Variants in GRID2IP observed in about 807,000 individuals in gnomAD.
The protein encoded by GRID2IP is delphilin.
In GRID2IP, 78 loss-of-function variants were observed where a neutral mutation model predicts 114.3. The observed-to-expected ratio is 0.68, with a 90% confidence interval of 0.57 to 0.82. GRID2IP has a LOEUF of 0.82. Ranked by LOEUF, GRID2IP falls within the 40% of genes least tolerant of loss-of-function variation. The probability of loss-of-function intolerance (pLI) is 0.00; values close to 1 mark genes in which losing one functional copy is unlikely to be tolerated. For missense variants in GRID2IP, 1,727 were observed against 1,678.5 expected, an observed-to-expected ratio of 1.03 and a Z score of -0.51; for synonymous variants, 809 against 724.0, an observed-to-expected ratio of 1.12 and a Z score of -1.89.
chr7:6,500,435 G>T (rs927223858), intron 20 of GRID2IP, among the ~76,000 whole-genome samples: 5 of 152,328 alleles, frequency 3.3e-5, no homozygotes, highest in African/African-American at 1.2e-4. Flanking sequence ...TTGCACTCCA[G>T]CCTGGGCAAC....
In GRID2IP at chr7:6,521,557, T is replaced by C. The variant is rs1779412137; in HGVS notation, c.990-34A>G. On this transcript the variant is annotated intron_variant, in intron 5 of 21. Transcript: ENST00000457091. This position sits in a 1 kb window ranked among gnomAD's most constrained non-coding sequence, Gnocchi z 4.1. ...CAGAGATGGCCCAGGAGGGCCTGACTGGGGTGAGCCCTGTCCACGGCCACC... is the reference window on the plus strand; with the variant it reads ...CAGAGATGGCCCAGGAGGGCCTGACCGGGGTGAGCCCTGTCCACGGCCACC... 4.7e-6 allele frequency: 7 copies of C among 1,476,634 alleles called. No homozygotes were observed. The highest frequency in any genetic ancestry group is 4.6e-6 in the Non-Finnish European group (5 of 1,090,790). 91.5% of individuals were successfully genotyped at this position (1,476,634 alleles called of 1,614,324 possible). A position where few individuals can be genotyped will look rare whatever the true frequency, so the allele number is the denominator to read the frequency against.
rs1168111342 is a variant in GRID2IP at position 6,551,040 on chromosome 7, G to A, written c.397C>T (p.Arg133Cys). ...RKRPDAVHRE[R>C]RRKAQEFSRK... ...CTGAACTCTTGGGCCTTGCGCCTGC[G>A]CTCTCGGTGCACCGCGTCCGGGCGC... The change falls in exon 1 of 22, where the codon CGC becomes TGC. Residue 133 changes from arginine (R) to cysteine (C), a missense_variant. Transcript: ENST00000457091. 2 of 1,292,504 alleles carry A rather than the reference G, an allele frequency of 1.5e-6. No individual in the cohort carries two copies. The highest frequency in any genetic ancestry group is 1.6e-5 in the African/African-American group (1 of 64,226). 80.1% of individuals were successfully genotyped at this position (1,292,504 alleles called of 1,614,324 possible).
Position 6,517,061 on chromosome 7 carries a change from T to C in GRID2IP, c.1269-2532A>G, listed in dbSNP as rs1779320184. On this transcript the variant is annotated intron_variant, in intron 7 of 21. Transcript: ENST00000457091. ...TCTCTTTGTCTTGTGTCTTTCTTTC[T>C]TTTTTTTTTTTTTGAGACAGTCTGG... is the stretch of plus-strand genomic sequence containing the variant. Among the ~76,000 whole-genome samples the C allele has an allele frequency of 2.2e-5, 3 of 134,200 alleles. No individual in the cohort carries two copies. The Admixed American group carries it at 2.3e-4, about 10-fold the overall frequency. The allele number at this position is 134,200 out of a possible 152,430, so 88.0% of individuals were successfully genotyped here. A position where few individuals can be genotyped will look rare whatever the true frequency, so the allele number is the denominator to read the frequency against.
rs957715164 is a variant in GRID2IP at position 6,519,841 on chromosome 7, A to G, written c.1268+737T>C. Among the ~76,000 whole-genome samples the G allele has an allele frequency of 2.0e-5, 3 of 152,226 alleles. No homozygotes were observed. Among genetic ancestry groups the G allele is most frequent in the African/African-American group, 7.2e-5 (3 of 41,462 alleles). On this transcript the variant is annotated intron_variant, in intron 7 of 21. Coordinates refer to ENST00000457091, the MANE Select transcript of GRID2IP (RefSeq NM_001145118.2). This position sits in a 1 kb window ranked among gnomAD's most constrained non-coding sequence, Gnocchi z 4.1. ...GACAGGCTTTGCAGAGACCATAATA[A>G]TGACCCCATGGACCGAGGAGTGTGA...
chr7:6,526,293 T>G lies in GRID2IP; in HGVS notation c.850A>C (p.Lys284Gln), dbSNP rs1469114353. The change falls in exon 4 of 22, where the codon AAA (lysine) becomes CAA (glutamine). Residue 284 changes from lysine (K) to glutamine (Q), a missense_variant. Transcript: ENST00000457091. This position sits in a 1 kb window ranked among gnomAD's most constrained non-coding sequence, Gnocchi z 7.6. The stretch of plus-strand genomic sequence containing the variant: ...GTGAAGCCGAAGCTCTTGTTGCCTT[T>G]GTAGACTCGGACAGTCCTGGGGGAA... The part of the protein sequence containing the change: ...GGARRTVRVY[K>Q]GNKSFGFTLR... The G allele has an allele frequency of 6.4e-7, 1 of 1,551,958 alleles. No individual in the cohort carries two copies. Among genetic ancestry groups the G allele is most frequent in the Non-Finnish European group, 8.7e-7 (1 of 1,147,010 alleles).
chr7:6,548,765 C>T (rs1384607476), intron 1 of GRID2IP, among the ~76,000 whole-genome samples: 1 of 151,672 alleles, frequency 6.6e-6, no homozygotes, highest in African/African-American at 2.4e-5. Flanking sequence ...TCACTTGAAC[C>T]CAGGAGGTGG....
chr7:6,515,217 T>C (rs925135049), intron 7 of GRID2IP, among the ~76,000 whole-genome samples: 1 of 152,142 alleles, frequency 6.6e-6, no homozygotes, highest in African/African-American at 2.4e-5. Context: ...ATCCCAGCAC[T>C]GTGGGAGGCC....
At chr7:6,505,772 C>T in intron 14 of GRID2IP, 48 bp downstream of exon 14, 1 of 1,253,146 alleles carries the variant, frequency 8.0e-7, no homozygotes, top group East Asian at 2.5e-5. Context: ...GGGGCTGCCA[C>T]AGATGGTGTG....
In GRID2IP at chr7:6,540,109, CTCCCT is replaced by C. The variant is rs1187955425; in HGVS notation, c.430-242_430-238del. The stretch of plus-strand genomic sequence containing the variant: ...TTCCCCTCCCCTCCCCTCCCCTCCC[CTCCCT>C]TCCCTTCCTTTCTTTTTGAGACGGA... On this transcript the variant is annotated intron_variant, in intron 1 of 21. Transcript: ENST00000457091. 2.7e-5 allele frequency among the ~76,000 whole-genome samples: 4 copies of C among 149,248 alleles called. No homozygotes were observed. The East Asian group carries it at 5.9e-4, about 22-fold the overall frequency.
At chr7:6,529,817 C>T (rs1039420395) in intron 2 of GRID2IP, among the ~76,000 whole-genome samples, 1 of 152,168 alleles carries the variant, frequency 6.6e-6, no homozygotes, top group Admixed American at 6.5e-5. Flanking sequence ...CAGGACTCTT[C>T]CTGGGGGCCA....
intron 1 of GRID2IP, 33 bp from the exon 2 acceptor site, chr7:6,539,905 G>T (rs1346397625): frequency 6.5e-7 from 1 of 1,539,238 alleles, no homozygotes; most frequent in Admixed American, 2.0e-5. Flanking sequence ...TGACCAAAAG[G>T]GATCCAGAGT....
rs974707825 is a variant in GRID2IP, at chr7:6,509,310, G to A, written c.1775C>T (p.Pro592Leu). The part of the protein sequence containing the change: ...PGPSPAVTTG[P>L]RTLSGVSWPS... ...CCATGAGACGCCGGACAGGGTCCTG[G>A]GCCCTGGAGGAGGGATGGAGTATGA... The change falls in exon 12 of 22, where the codon CCC becomes CTC. Residue 592 changes from proline (P) to leucine (L), a missense_variant. Coordinates refer to ENST00000457091, the MANE Select transcript of GRID2IP (RefSeq NM_001145118.2). This position sits in a 1 kb window ranked among gnomAD's most constrained non-coding sequence, Gnocchi z 4.9. 1.4e-5 allele frequency: 21 copies of A among 1,499,792 alleles called. No individual in the cohort carries two copies. Among genetic ancestry groups the A allele is most frequent in the Non-Finnish European group, 1.8e-5 (20 of 1,124,250 alleles). 92.9% of individuals were successfully genotyped at this position (1,499,792 alleles called of 1,614,324 possible).
chr7:6,509,279 G>A lies in GRID2IP; in HGVS notation c.1806C>T (p.Ser602=), dbSNP rs908734043. The change falls in exon 12 of 22, where the codon AGC becomes AGT. Residue 602 remains serine (S), a synonymous_variant. Coordinates refer to ENST00000457091, the MANE Select transcript of GRID2IP (RefSeq NM_001145118.2). This position sits in a 1 kb window ranked among gnomAD's most constrained non-coding sequence, Gnocchi z 4.9. ...AGCAGGGGGAGGGCAAGAGTCGCTC[G>A]CTGGGCCATGAGACGCCGGACAGGG... ...PRTLSGVSWP[S]ERLLPSPCYH... 3.2e-5 allele frequency: 49 copies of A among 1,527,006 alleles called. No homozygotes were observed. Among genetic ancestry groups the A allele is most frequent in the African/African-American group, 4.1e-5 (3 of 72,506 alleles). 94.6% of individuals were successfully genotyped at this position (1,527,006 alleles called of 1,614,324 possible).
intron 14 of GRID2IP, among the ~76,000 whole-genome samples, chr7:6,505,210 T>C (rs1786542370): frequency 6.6e-6 from 1 of 152,148 alleles, no homozygotes; most frequent in Non-Finnish European, 1.5e-5. Flanking sequence ...ATGCCTCCTG[T>C]CTACGGTGTG....
chr7:6,515,863 C>T (rs1779285997), intron 7 of GRID2IP, among the ~76,000 whole-genome samples: 1 of 152,002 alleles, frequency 6.6e-6, no homozygotes, highest in Non-Finnish European at 1.5e-5. Flanking sequence ...CTTTGGGAGG[C>T]TGAGGTGGGT....
Position 6,508,119 on chromosome 7 carries a change from G to C in GRID2IP, c.2410C>G (p.Pro804Ala), listed in dbSNP as rs909839378. 2.1e-6 allele frequency: 3 copies of C among 1,451,578 alleles called. No homozygotes were observed. Among genetic ancestry groups the C allele is most frequent in the Admixed American group, 4.1e-5 (2 of 49,054 alleles). The allele number at this position is 1,451,578 out of a possible 1,614,324, so 89.9% of individuals were successfully genotyped here. The change falls in exon 13 of 22, where the codon CCC (proline) becomes GCC (alanine). Residue 804 changes from proline (P) to alanine (A), a missense_variant. Physicochemically the swap from Pro to Ala is conservative, Grantham distance 27. Transcript: ENST00000457091. The surrounding 1 kb of genome is among the most constrained non-coding windows in gnomAD (Gnocchi z 5.6). ...GGGGGTGCACAGGGCACGGGTGGGG[G>C]CAGGGGCGGTGGGGGTGGTGGAGGG... Reference protein sequence around the residue: ...PVPPPPPPPLPPPVPCAPPML... With the variant: ...PVPPPPPPPLAPPVPCAPPML...
chr7:6,497,806 T>A lies in GRID2IP; in HGVS notation c.3604A>T (p.Ser1202Cys). 6.5e-7 allele frequency: 1 copy of A among 1,550,276 alleles called. No individual in the cohort carries two copies. The highest frequency in any genetic ancestry group is 1.4e-5 in the African/African-American group (1 of 73,164). ...SDLQAGEGLR[S>C]SGMVSPLAW ...GCCAGGGGTGAAACCATCCCGGAGC[T>A]GCGCAGGCCCTCCCCGGCCTGCAGG... The change falls in exon 22 of 22, where the codon AGC becomes TGC. Residue 1202 changes from serine to cysteine, a missense_variant. Transcript: ENST00000457091.
chr7:6,512,231 C>CTTTTTTTTTTTCTTTTTTTTTTT (rs1779186903), intron 8 of GRID2IP, among the ~76,000 whole-genome samples: 1 of 90,196 alleles, frequency 1.1e-5, no homozygotes, highest in African/African-American at 4.6e-5. Flanking sequence ...TTCTTTTCTT[C>CTTTTTTTTTTTCTTTTTTTTTTT]TTTTTTTTTT....
At chr7:6,510,576 C>T (rs1779120700) in intron 10 of GRID2IP, 33 bp downstream of exon 10, 2 of 1,481,934 alleles carry the variant, frequency 1.3e-6, no homozygotes, top group Non-Finnish European at 9.1e-7. Flanking sequence ...CTGCCCCCTA[C>T]TGACCCCACG....
Sources: gnomAD v4.1 joint callset for allele counts (sites outside exome capture counted in the v4.1 genomes callset) on GRCh38, gnomAD v4.1.1 for gene constraint, Gnocchi (gnomAD v3.1) non-coding constraint, MANE v1.5 for transcripts, NCBI Gene and HGNC (gene_info 2026-07-23, HGNC 2026-07-21) for gene names.